The following SMU1 variants were observed in gnomAD, a reference collection of about 807,000 sequenced individuals.
SMU1 encodes the protein SMU1 DNA replication regulator and spliceosomal factor, also known as WD40 repeat-containing protein SMU1.
SMU1 carries 2 observed loss-of-function variants against 62.0 expected under a neutral mutation model. That is an observed-to-expected ratio of 0.03 (90% CI 0.01 to 0.10). The LOEUF (loss-of-function observed/expected upper bound fraction) is 0.10. Among genes scored for constraint, SMU1 ranks in the 10% least tolerant of loss-of-function variants. The pLI is 1.00. For synonymous variants in SMU1, 188 were observed against 212.4 expected, an observed-to-expected ratio of 0.89 and a Z score of 1.00; for missense variants, 227 against 622.1, an observed-to-expected ratio of 0.36 and a Z score of 6.76.
intron 3 of SMU1, among the ~76,000 whole-genome samples, chr9:33,070,570 T>C (rs1326399853): frequency 1.3e-5 from 2 of 152,210 alleles, no homozygotes; most frequent in African/African-American, 2.4e-5. Flanking sequence ...CAAAGAGATA[T>C]CTGCACTCCC....
rs1036578773 is a variant in SMU1, at chr9:33,045,063, C to T, written c.*2230G>A. 6.6e-5 allele frequency: 10 copies of T among 152,144 alleles called. No homozygotes were observed. The highest frequency in any genetic ancestry group is 2.2e-4 in the African/African-American group (9 of 41,424). 9.4% of individuals were successfully genotyped at this position (152,144 alleles called of 1,614,324 possible). A position where few individuals can be genotyped will look rare whatever the true frequency, so the allele number is the denominator to read the frequency against. On this transcript the variant is annotated 3_prime_UTR_variant, in exon 12 of 12. Coordinates refer to ENST00000397149, the MANE Select transcript of SMU1 (RefSeq NM_018225.3). Reference sequence around the variant, plus strand: ...GTCTTTTTTTAACCATATTCATCACCTGGTGCCAGCAACAGAAGTGTTCCC... The same window carrying T: ...GTCTTTTTTTAACCATATTCATCACTTGGTGCCAGCAACAGAAGTGTTCCC...
Position 33,043,822 on chromosome 9 carries a change from C to G in SMU1, c.*3471G>C, listed in dbSNP as rs1046394354. 6.6e-6 allele frequency: 1 copy of G among 152,368 alleles called. No individual in the cohort carries two copies. The highest frequency in any genetic ancestry group is 1.5e-5 in the Non-Finnish European group (1 of 68,032). The allele number at this position is 152,368 out of a possible 1,614,324, so 9.4% of individuals were successfully genotyped here. On this transcript the variant is annotated 3_prime_UTR_variant, in exon 12 of 12. Transcript: ENST00000397149. Reference sequence around the variant, plus strand: ...CCTCACGTCTGGAAACCTGTTTCTTCATGTGCATTTGCGCACCCTCATTAC... The same window carrying G: ...CCTCACGTCTGGAAACCTGTTTCTTGATGTGCATTTGCGCACCCTCATTAC...
chr9:33,051,818 G>A (rs1839252852), intron 10 of SMU1, among the ~76,000 whole-genome samples: 1 of 152,050 alleles, frequency 6.6e-6, no homozygotes, highest in African/African-American at 2.4e-5. Context: ...ACTTTCGGAG[G>A]CCGAGGCAGG....
At position 33,057,096 on chromosome 9, in the gene SMU1, G is replaced by A. The variant is rs539318503; in HGVS notation, c.868-132C>T. ...GCATTAAAAATGCACGCTAATAGCT[G>A]AATATGATGTCTAGTTCACATAGTA... is the stretch of plus-strand genomic sequence containing the variant. On this transcript the variant is annotated intron_variant, in intron 7 of 11. Coordinates refer to ENST00000397149, the MANE Select transcript of SMU1 (RefSeq NM_018225.3). 3.6e-6 allele frequency: 3 copies of A among 830,722 alleles called. No homozygotes were observed. In the East Asian group the frequency reaches 7.8e-5, roughly 22 times the overall value. The allele number at this position is 830,722 out of a possible 1,614,324, so 51.5% of individuals were successfully genotyped here. A position where few individuals can be genotyped will look rare whatever the true frequency, so the allele number is the denominator to read the frequency against.
chr9:33,048,289 A>T, intron 10 of SMU1, 31 bp from the exon 11 acceptor site: 1 of 1,612,138 alleles, frequency 6.2e-7, no homozygotes, highest in Non-Finnish European at 8.5e-7. Flanking sequence ...AGAAAAAAAC[A>T]TCAGGATTAG....
chr9:33,047,330 T>A lies in SMU1; in HGVS notation c.1505A>T (p.Tyr502Phe). ...HHPHQNLIAT[Y>F]SEDGLLKLWK... is the part of the protein sequence containing the mutation. ...GAGCTTTAGGAGTCCATCTTCACTG[T>A]AGGTAGCAATCAGGTTCTGATGAGG... The change falls in exon 12 of 12, where the codon TAC (tyrosine) becomes TTC (phenylalanine). Residue 502 changes from tyrosine (Y) to phenylalanine (F), a missense_variant. By Grantham distance (22) the Tyr-to-Phe change is conservative. This residue lies in a region of SMU1 where 25 missense variants were observed against 116.2 expected (regional missense o/e 0.22). Coordinates refer to ENST00000397149, the MANE Select transcript of SMU1 (RefSeq NM_018225.3). 1 of 1,613,188 alleles carries A rather than the reference T, an allele frequency of 6.2e-7. No individual in the cohort carries two copies. Among genetic ancestry groups the A allele is most frequent in the Non-Finnish European group, 8.5e-7 (1 of 1,179,684 alleles).
chr9:33,073,918 T>A, intron 1 of SMU1, 112 bp from the exon 2 acceptor site: 1 of 1,028,356 alleles, frequency 9.7e-7, no homozygotes, highest in South Asian at 1.7e-5. Flanking sequence ...TTCTTTATCA[T>A]GTGAGTAAAA....
Position 33,057,562 on chromosome 9 carries a change from T to C in SMU1, c.867+36A>G, listed in dbSNP as rs751971462. The C allele has an allele frequency of 1.9e-6, 3 of 1,611,042 alleles. No homozygotes were observed. In the East Asian group the frequency reaches 6.7e-5, roughly 36 times the overall value. On this transcript the variant is annotated intron_variant, in intron 7 of 11. Transcript: ENST00000397149. Reference sequence around the variant, plus strand: ...CTACCCCATAGCAGAACATTCAAAATGTCTACATATGAGAGGCTGTGGCAC... The same window carrying C: ...CTACCCCATAGCAGAACATTCAAAACGTCTACATATGAGAGGCTGTGGCAC...
chr9:33,064,932 A>G (rs10971379), intron 4 of SMU1, among the ~76,000 whole-genome samples: 55,543 of 151,586 alleles, frequency 0.37, 10,409 homozygotes, highest in Non-Finnish European at 0.41. Context: ...TAGTAGACAC[A>G]AGGTTTCGCC....
intron 3 of SMU1, among the ~76,000 whole-genome samples, chr9:33,070,761 G>C (rs1409265277): frequency 6.6e-6 from 1 of 152,142 alleles, no homozygotes; most frequent in East Asian, 1.9e-4. Flanking sequence ...TATGGTAAGC[G>C]AAATAAGCCA....
chr9:33,075,894 T>C (rs3780500), intron 1 of SMU1, among the ~76,000 whole-genome samples: 4,389 of 152,272 alleles, frequency 0.029, 110 homozygotes, highest in East Asian at 0.1. Context: ...TCTCATCCCC[T>C]ATTCCTTGAA....
At chr9:33,056,613 A>G (rs1325892231) in intron 8 of SMU1, among the ~76,000 whole-genome samples, 1 of 152,216 alleles carries the variant, frequency 6.6e-6, no homozygotes, top group Non-Finnish European at 1.5e-5. Context: ...AACATGAAGC[A>G]CTGCTACCCC....
In SMU1 at chr9:33,056,728, TCATCATGGTAAAAG is replaced by T. The variant is rs536101729; in HGVS notation, c.995+95_995+108del. 130 of 1,215,306 alleles carry T rather than the reference TCATCATGGTAAAAG, an allele frequency of 1.1e-4. No homozygotes were observed. In the African/African-American group the frequency reaches 1.6e-3, roughly 15 times the overall value. The allele number at this position is 1,215,306 out of a possible 1,614,324, so 75.3% of individuals were successfully genotyped here. On this transcript the variant is annotated intron_variant, in intron 8 of 11. Transcript: ENST00000397149. ...ACATACCTTCCCTCTCCATATCACA[TCATCATGGTAAAAG>T]CATCATGGTAAAAGCGTAAGGAATC...
intron 9 of SMU1, among the ~76,000 whole-genome samples, chr9:33,053,514 A>ATC (rs1839271946): frequency 6.6e-6 from 1 of 152,210 alleles, no homozygotes; most frequent in Non-Finnish European, 1.5e-5. Flanking sequence ...AGATACCAAA[A>ATC]TCCAAGGATA....
intron 6 of SMU1, 75 bp downstream of exon 6, chr9:33,060,390 T>C: frequency 7.8e-7 from 1 of 1,283,218 alleles, no homozygotes; most frequent in South Asian, 1.4e-5. Flanking sequence ...CTAATCTGAT[T>C]TAGAGGCCAT....
chr9:33,047,754 G>T (rs1305157378), intron 11 of SMU1, among the ~76,000 whole-genome samples: 11 of 152,092 alleles, frequency 7.2e-5, no homozygotes, highest in African/African-American at 2.7e-4. Context: ...AGTTACTTGG[G>T]AGGCTGAGGC....
intron 1 of SMU1, among the ~76,000 whole-genome samples, chr9:33,074,417 A>C (rs1839519436): frequency 6.6e-6 from 1 of 151,718 alleles, no homozygotes. Context: ...TGGGCAACAT[A>C]AGAAGACCCC....
At chr9:33,047,530 A>T in intron 11 of SMU1, 139 bp from the exon 12 acceptor site, 2 of 597,450 alleles carry the variant, frequency 3.3e-6, no homozygotes, top group Non-Finnish European at 5.9e-6. Context: ...AAGATGGAGG[A>T]GGGTTTTCCA....
chr9:33,046,829 G>C lies in SMU1; in HGVS notation c.*464C>G, dbSNP rs894678203. The C allele has an allele frequency of 6.5e-6, 1 of 153,402 alleles. No individual in the cohort carries two copies. The highest frequency in any genetic ancestry group is 2.4e-5 in the African/African-American group (1 of 41,272). The allele number at this position is 153,402 out of a possible 1,614,324, so 9.5% of individuals were successfully genotyped here. ...GAATCGCTTGAACCTGGGAGGCGGA[G>C]GTTGCAGTGAACCAAGATCGTGCCG... On this transcript the variant is annotated 3_prime_UTR_variant, in exon 12 of 12. Transcript: ENST00000397149.
Sources: allele counts gnomAD v4.1 joint callset (sites outside exome capture counted in the v4.1 genomes callset), GRCh38; gene constraint gnomAD v4.1.1; regional missense constraint gnomAD v4.1.1; transcripts MANE v1.5; gene names NCBI Gene and HGNC (gene_info 2026-07-23, HGNC 2026-07-21).